ZFYVE28: variants seen among roughly 807,000 people sequenced by gnomAD.
ZFYVE28 encodes the protein zinc finger FYVE-type containing 28.
ZFYVE28 carries 40 observed loss-of-function variants against 82.1 expected under a neutral mutation model. That is an observed-to-expected ratio of 0.49 (90% CI 0.38 to 0.63). The LOEUF is 0.63. Among genes scored for constraint, ZFYVE28 ranks in the 30% least tolerant of loss-of-function variants. The pLI, the probability that ZFYVE28 is intolerant of heterozygous loss-of-function variation, is 0.00. For missense variants in ZFYVE28, 1,321 were observed against 1,242.1 expected, an observed-to-expected ratio of 1.06 and a Z score of -0.96; for synonymous variants, 612 against 546.1, an observed-to-expected ratio of 1.12 and a Z score of -1.68.
At chr4:2,291,675 C>G (rs1160900377) in intron 8 of ZFYVE28, among the ~76,000 whole-genome samples, 1 of 152,184 alleles carries the variant, frequency 6.6e-6, no homozygotes, top group Non-Finnish European at 1.5e-5. Context: ...CCTCAAGGGG[C>G]AGCACTACAG....
At chr4:2,272,265 T>C (rs1269720777) in intron 10 of ZFYVE28, among the ~76,000 whole-genome samples, 1 of 152,168 alleles carries the variant, frequency 6.6e-6, no homozygotes, top group Non-Finnish European at 1.5e-5. Flanking sequence ...GGGCCAGGGC[T>C]CCAGGACCAG....
intron 1 of ZFYVE28, among the ~76,000 whole-genome samples, chr4:2,413,285 A>C (rs1732707751): frequency 6.6e-6 from 1 of 152,258 alleles, no homozygotes; most frequent in South Asian, 2.1e-4. Flanking sequence ...TCAAGAGCAC[A>C]TGGGCTCTCA....
At chr4:2,371,868 A>C (rs1727592032) in intron 1 of ZFYVE28, among the ~76,000 whole-genome samples, 1 of 141,710 alleles carries the variant, frequency 7.1e-6, no homozygotes, top group African/African-American at 2.5e-5. Flanking sequence ...CCAGCGTGAG[A>C]AGCCGGCCTC....
At chr4:2,414,664 T>C (rs1315342791) in intron 1 of ZFYVE28, among the ~76,000 whole-genome samples, 1 of 152,104 alleles carries the variant, frequency 6.6e-6, no homozygotes, top group Non-Finnish European at 1.5e-5. Flanking sequence ...AAACACAAAT[T>C]CATCCTGAGT....
At chr4:2,351,516 C>T (rs1051830139) in intron 2 of ZFYVE28, among the ~76,000 whole-genome samples, 2 of 152,158 alleles carry the variant, frequency 1.3e-5, no homozygotes, top group African/African-American at 4.8e-5. Context: ...GAGTTTGAGA[C>T]CAGCCTGGCC....
At chr4:2,400,031 C>T (rs1474426761) in intron 1 of ZFYVE28, among the ~76,000 whole-genome samples, 3 of 152,348 alleles carry the variant, frequency 2.0e-5, no homozygotes, top group African/African-American at 4.8e-5. Flanking sequence ...GCCCCACGGC[C>T]GCTTCAGATG....
chr4:2,350,645 C>T (rs1324681927), intron 2 of ZFYVE28, among the ~76,000 whole-genome samples: 1 of 152,124 alleles, frequency 6.6e-6, no homozygotes, highest in Admixed American at 6.5e-5. Flanking sequence ...AAGATCAACG[C>T]ATGTTAGAGG....
intron 1 of ZFYVE28, among the ~76,000 whole-genome samples, chr4:2,400,674 G>A (rs1731077720): frequency 6.6e-6 from 1 of 152,294 alleles, no homozygotes; most frequent in South Asian, 2.1e-4. Context: ...AGAACCTGGA[G>A]GCCGATGTTC....
chr4:2,356,459 C>G (rs992504328), intron 1 of ZFYVE28, among the ~76,000 whole-genome samples: 1 of 141,288 alleles, frequency 7.1e-6, no homozygotes, highest in Admixed American at 7.3e-5. Flanking sequence ...TGCCTGCCCC[C>G]CCGGCCGTTG....
chr4:2,363,814 G>A (rs3135144), intron 1 of ZFYVE28, among the ~76,000 whole-genome samples: 101,596 of 151,954 alleles, frequency 0.67, 34,294 homozygotes, highest in East Asian at 0.8. Context: ...CTGCTTTGAA[G>A]TCCCCACCAC....
intron 8 of ZFYVE28, among the ~76,000 whole-genome samples, chr4:2,281,511 CAA>C (rs1468452145): frequency 6.6e-6 from 1 of 152,106 alleles, no homozygotes; most frequent in Non-Finnish European, 1.5e-5. Flanking sequence ...ATCGCATGGG[CAA>C]GAGAGAGGGG....
chr4:2,374,088 A>G (rs1021815330), intron 1 of ZFYVE28, among the ~76,000 whole-genome samples: 22 of 152,330 alleles, frequency 1.4e-4, no homozygotes, highest in African/African-American at 5.1e-4. Flanking sequence ...TCTGAACAGC[A>G]AAAGGTAATG....
intron 7 of ZFYVE28, among the ~76,000 whole-genome samples, chr4:2,311,509 G>C (rs1717468880): frequency 6.6e-6 from 1 of 152,196 alleles, no homozygotes; most frequent in Non-Finnish European, 1.5e-5. Context: ...CTGGGTGACA[G>C]AGCTAGACTC....
intron 6 of ZFYVE28, chr4:2,329,059 A>AAG: frequency 1.4e-6 from 1 of 692,994 alleles, no homozygotes; most frequent in Non-Finnish European, 2.6e-6. Flanking sequence ...GAATCTTCCA[A>AAG]TTTTGTTTTT....
At chr4:2,305,672 T>A in intron 7 of ZFYVE28, 136 bp from the exon 8 acceptor site, 1 of 1,074,896 alleles carries the variant, frequency 9.3e-7, no homozygotes, top group Non-Finnish European at 1.3e-6. Flanking sequence ...AACTGAATTC[T>A]CAAGGCACCA....
At chr4:2,384,751 T>C (rs1729075123) in intron 1 of ZFYVE28, among the ~76,000 whole-genome samples, 1 of 152,042 alleles carries the variant, frequency 6.6e-6, no homozygotes, top group African/African-American at 2.4e-5. Flanking sequence ...TTCAGAAAAA[T>C]CTTTATTTAA....
rs2108822664 is a variant in ZFYVE28, at chr4:2,304,332, T to G, written c.2008A>C (p.Ser670Arg). The G allele has an allele frequency of 9.3e-6, 15 of 1,604,326 alleles. No individual in the cohort carries two copies. The South Asian group carries it at 1.5e-4, about 16-fold the overall frequency. Residue 670 changes from serine (S) to arginine (R), a missense_variant, in exon 8 of 13, where the codon AGC becomes CGC. Physicochemically the swap from Ser to Arg is moderately radical, Grantham distance 110. This residue lies in a region of ZFYVE28 where 978 missense variants were observed against 833.7 expected (regional missense o/e 1.17). Coordinates refer to ENST00000290974, the MANE Select transcript of ZFYVE28 (RefSeq NM_020972.3). ...EPEARELHAG[S>R]PSAHEAPQAL... Reference sequence around the variant, plus strand: ...TGAGGCGCCTCGTGAGCCGAGGGGCTCCCAGCATGCAGCTCTCTGGCCTCT... The same window carrying G: ...TGAGGCGCCTCGTGAGCCGAGGGGCGCCCAGCATGCAGCTCTCTGGCCTCT...
intron 6 of ZFYVE28, among the ~76,000 whole-genome samples, chr4:2,322,291 A>T (rs1458294764): frequency 6.6e-6 from 1 of 152,186 alleles, no homozygotes; most frequent in Non-Finnish European, 1.5e-5. Flanking sequence ...ATCCGGCTGA[A>T]GAGGCTCAGA....
At chr4:2,295,575 C>G (rs1227271248) in intron 8 of ZFYVE28, 1 of 152,540 alleles carries the variant, frequency 6.6e-6, no homozygotes. Context: ...CCACCCTGCC[C>G]ACAAAGCTCT....
Sources: allele counts gnomAD v4.1 joint callset (sites outside exome capture counted in the v4.1 genomes callset), GRCh38; gene constraint gnomAD v4.1.1; regional missense constraint gnomAD v4.1.1; transcripts MANE v1.5; gene names NCBI Gene and HGNC (gene_info 2026-07-23, HGNC 2026-07-21).